WBP2NL: variants seen among roughly 807,000 people sequenced by gnomAD.
WBP2NL encodes the protein postacrosomal sheath WW domain-binding protein.
In WBP2NL, 27 loss-of-function variants were observed where a neutral mutation model predicts 23.3. That is an observed-to-expected ratio of 1.16 (90% CI 0.85 to 1.60). The LOEUF is 1.60. Among genes scored for constraint, WBP2NL ranks in the 40% most tolerant of loss-of-function variants. WBP2NL has a pLI of 0.00. For synonymous variants in WBP2NL, 151 were observed against 145.9 expected (o/e 1.03, Z -0.25); for missense variants, 370 against 389.5 (o/e 0.95, Z 0.42).
intron 1 of WBP2NL, among the ~76,000 whole-genome samples, chr22:42,009,526 A>G (rs1922611270): frequency 6.6e-6 from 1 of 152,142 alleles, no homozygotes; most frequent in South Asian, 2.1e-4. Context: ...ATTCTTTTGC[A>G]TGTGGATATC....
At chr22:42,048,478 C>T (rs1228870532) in intron 8 of WBP2NL, among the ~76,000 whole-genome samples, 2 of 151,190 alleles carry the variant, frequency 1.3e-5, no homozygotes, top group Admixed American at 6.6e-5. Flanking sequence ...CTCAGCAGGC[C>T]GGGCACGGTG....
intron 1 of WBP2NL, among the ~76,000 whole-genome samples, chr22:42,006,896 A>G (rs1333471280): frequency 6.6e-6 from 1 of 152,230 alleles, no homozygotes; most frequent in Non-Finnish European, 1.5e-5. Context: ...CTCTACTGTA[A>G]AATGGGAATC....
chr22:42,025,298 T>G (rs1325713791), intron 5 of WBP2NL, among the ~76,000 whole-genome samples: 2 of 152,236 alleles, frequency 1.3e-5, no homozygotes. Context: ...TGGCTTTGAA[T>G]GCAGCCCAAC....
Position 42,057,865 on chromosome 22 carries a change from GTA to G in WBP2NL, c.*274-423_*274-422del, listed in dbSNP as rs59053683. ...TATATATACACATATATGTGTGTGT[GTA>G]TGTATATATATATATATATATATAT... is the stretch of plus-strand genomic sequence containing the variant. On this transcript the variant is annotated intron_variant and NMD_transcript_variant, in intron 8 of 8. Coordinates refer to the WBP2NL transcript ENST00000436265. 9.9e-4 allele frequency among the ~76,000 whole-genome samples: 59 copies of G among 59,650 alleles called. 1 individual carries two copies. The highest frequency in any genetic ancestry group is 4.5e-3 in the African/African-American group (54 of 12,066). The allele number at this position is 59,650 out of a possible 152,430, so 39.1% of individuals were successfully genotyped here. A position where few individuals can be genotyped will look rare whatever the true frequency, so the allele number is the denominator to read the frequency against.
chr22:42,054,263 C>G (rs1925949291), intron 8 of WBP2NL, among the ~76,000 whole-genome samples: 1 of 152,168 alleles, frequency 6.6e-6, no homozygotes, highest in Non-Finnish European at 1.5e-5. Context: ...TCACTGAAAC[C>G]TCCACCTCTC....
rs976799852 is a variant in WBP2NL, at chr22:42,026,788, T to C, written c.537T>C (p.Pro179=). Residue 179 remains proline (P), a synonymous_variant, in exon 6 of 6, where the codon CCT becomes CCC. Coordinates refer to ENST00000328823, the MANE Select transcript of WBP2NL (RefSeq NM_152613.3). The part of the protein sequence containing the change: ...PCSVIVYGAP[P]AGYGAPPPGY... ...CAGTTATTGTCTATGGAGCCCCACC[T>C]GCAGGATATGGAGCCCCACCTCCCG... 1.5e-5 allele frequency: 25 copies of C among 1,613,748 alleles called. No individual in the cohort carries two copies. Among genetic ancestry groups the C allele is most frequent in the Non-Finnish European group, 1.9e-5 (23 of 1,179,904 alleles).
At chr22:42,018,246 T>A in intron 1 of WBP2NL, among the ~76,000 whole-genome samples, 1 of 125,900 alleles carries the variant, frequency 7.9e-6, no homozygotes. Context: ...GCCCAGGAGG[T>A]GGAGGTTGGT....
intron 8 of WBP2NL, among the ~76,000 whole-genome samples, chr22:42,052,471 G>A (rs1396080306): frequency 6.6e-6 from 1 of 151,976 alleles, no homozygotes; most frequent in African/African-American, 2.4e-5. Context: ...GTAGAGACAG[G>A]GTTTCACTAT....
At chr22:42,019,918 G>A (rs1454664714) in intron 3 of WBP2NL, 86 bp from the exon 4 acceptor site, 18 of 1,592,222 alleles carry the variant, frequency 1.1e-5, no homozygotes, top group African/African-American at 2.7e-5. Flanking sequence ...ACTTTGTCAG[G>A]TAGTGCTTCC....
chr22:42,020,349 G>A (rs1161725981), intron 4 of WBP2NL, among the ~76,000 whole-genome samples: 1 of 152,054 alleles, frequency 6.6e-6, no homozygotes, highest in Non-Finnish European at 1.5e-5. Context: ...CCACTTTGGG[G>A]TTTTAAGGCT....
At chr22:42,050,801 A>G (rs1321614310) in intron 8 of WBP2NL, among the ~76,000 whole-genome samples, 1 of 152,214 alleles carries the variant, frequency 6.6e-6, no homozygotes, top group African/African-American at 2.4e-5. Context: ...AACAGATACT[A>G]TTATACACCT....
intron 4 of WBP2NL, among the ~76,000 whole-genome samples, chr22:42,021,598 C>T (rs1316925523): frequency 6.6e-6 from 1 of 152,130 alleles, no homozygotes; most frequent in Non-Finnish European, 1.5e-5. Context: ...CGGTACCACA[C>T]TTCCTCACAT....
At chr22:42,001,494 C>A in intron 1 of WBP2NL, 1 of 967,750 alleles carries the variant, frequency 1.0e-6, no homozygotes, top group South Asian at 1.3e-5. Flanking sequence ...ACTAGGCAGT[C>A]ACCGAAACCT....
downstream of WBP2NL, among the ~76,000 whole-genome samples, chr22:42,037,403 C>T (rs57655199): frequency 2.6e-4 from 40 of 151,872 alleles, no homozygotes; most frequent in African/African-American, 7.0e-4. Flanking sequence ...TTTTTGTTCT[C>T]GTTCAAAATT....
chr22:42,020,893 TA>T (rs1923880987), intron 4 of WBP2NL, among the ~76,000 whole-genome samples: 1 of 64,160 alleles, frequency 1.6e-5, no homozygotes, highest in Non-Finnish European at 3.1e-5. Context: ...TATATATATA[TA>T]TATATATATA....
downstream of WBP2NL, chr22:42,031,164 T>G (rs1024698214): frequency 3.9e-5 from 6 of 152,234 alleles, no homozygotes; most frequent in African/African-American, 1.4e-4. Context: ...TGGACCCACG[T>G]GGTGCTGCGT....
chr22:42,056,016 A>C (rs1926013806), intron 8 of WBP2NL, among the ~76,000 whole-genome samples: 1 of 152,088 alleles, frequency 6.6e-6, no homozygotes, highest in Admixed American at 6.5e-5. Flanking sequence ...TCTATGTTTA[A>C]TCCATTTACA....
At position 42,026,439 on chromosome 22, in the gene WBP2NL, C is replaced by G. The variant is rs1226027198; in HGVS notation, c.515-327C>G. 3.3e-5 allele frequency among the ~76,000 whole-genome samples: 5 copies of G among 151,946 alleles called. No homozygotes were observed. In the East Asian group the frequency reaches 9.6e-4, roughly 29 times the overall value. ...TGGCTTTTTTCCATTCCTCTTTTCT[C>G]TATTTTCCAAACGCATATTCCTCAT... is the stretch of plus-strand genomic sequence containing the variant. On this transcript the variant is annotated intron_variant, in intron 5 of 5. Transcript: ENST00000328823.
chr22:42,057,375 T>TC (rs963152504), intron 8 of WBP2NL, among the ~76,000 whole-genome samples: 2 of 152,184 alleles, frequency 1.3e-5, no homozygotes, highest in African/African-American at 4.8e-5. Context: ...TGTGCTTTCT[T>TC]CCCCACTACA....
Sources: gnomAD v4.1 joint callset for allele counts (sites outside exome capture counted in the v4.1 genomes callset) on GRCh38, gnomAD v4.1.1 for gene constraint, MANE v1.5 for transcripts, NCBI Gene and HGNC (gene_info 2026-07-23, HGNC 2026-07-21) for gene names.